Variants in JAK1 observed in about 807,000 individuals in gnomAD.
JAK1 encodes the protein Janus kinase 1, also known as tyrosine-protein kinase JAK1.
In JAK1, 16 loss-of-function variants were observed where a neutral mutation model predicts 136.6. That is an observed-to-expected ratio of 0.12 (90% confidence interval 0.08 to 0.18). The LOEUF is 0.18. Ranked by LOEUF, JAK1 falls within the 10% of genes least tolerant of loss-of-function variation. The pLI is 1.00. For synonymous variants in JAK1, 492 were observed against 519.5 expected, an observed-to-expected ratio of 0.95 and a Z score of 0.72; for missense variants, 859 against 1,450.1, an observed-to-expected ratio of 0.59 and a Z score of 6.62.
At chr1:64,854,603 A>G (rs1347570252) in intron 11 of JAK1, among the ~76,000 whole-genome samples, 1 of 152,138 alleles carries the variant, frequency 6.6e-6, no homozygotes, top group Non-Finnish European at 1.5e-5. Context: ...CAGTCCTCAC[A>G]TTCTAAGAGA....
At chr1:64,862,805 A>G (rs1656432962) in intron 8 of JAK1, among the ~76,000 whole-genome samples, 1 of 152,244 alleles carries the variant, frequency 6.6e-6, no homozygotes, top group Non-Finnish European at 1.5e-5. Context: ...CAAAATGCAC[A>G]GGCAGGAACC....
chr1:64,870,795 A>AT (rs944616518), intron 5 of JAK1, among the ~76,000 whole-genome samples: 1 of 152,100 alleles, frequency 6.6e-6, no homozygotes, highest in Non-Finnish European at 1.5e-5. Flanking sequence ...TCACCATGGG[A>AT]TATCTTGTTT....
chr1:65,051,919 C>T (rs1419343495), intron 1 of JAK1, among the ~76,000 whole-genome samples: 1 of 152,124 alleles, frequency 6.6e-6, no homozygotes, highest in Non-Finnish European at 1.5e-5. Flanking sequence ...CCTTGTCAGA[C>T]AGCTTAAAGA....
intron 1 of JAK1, among the ~76,000 whole-genome samples, chr1:65,046,346 G>A (rs973377302): frequency 6.6e-6 from 1 of 152,204 alleles, no homozygotes; most frequent in Non-Finnish European, 1.5e-5. Context: ...TGGAGGCCAT[G>A]CCAAAGGGAG....
chr1:64,984,588 G>A lies in JAK1; in HGVS notation c.-78+59892C>T. The A allele has an allele frequency of 2.5e-6, 1 of 393,948 alleles. No homozygotes were observed. Among genetic ancestry groups the A allele is most frequent in the East Asian group, 5.7e-5 (1 of 17,408 alleles). The allele number at this position is 393,948 out of a possible 1,614,324, so 24.4% of individuals were successfully genotyped here. Reference sequence around the variant, plus strand: ...GGTGGCTTTCCCTTGCTGGGAGGGAGGTTGAAGGAGGCATGATTTAGACAT... The same window carrying A: ...GGTGGCTTTCCCTTGCTGGGAGGGAAGTTGAAGGAGGCATGATTTAGACAT... On this transcript the variant is annotated intron_variant, in intron 2 of 25. Coordinates refer to the JAK1 transcript ENST00000671954. The surrounding 1 kb of genome is among the most constrained non-coding windows in gnomAD (Gnocchi z 4.1).
chr1:65,058,535 G>A (rs767546887), intron 1 of JAK1: 2 of 531,608 alleles, frequency 3.8e-6, no homozygotes, highest in Non-Finnish European at 3.9e-6. Context: ...GTCGGTCAAC[G>A]GCATCCTTTC....
At chr1:65,016,949 C>T (rs1049376293) in intron 2 of JAK1, among the ~76,000 whole-genome samples, 4 of 152,044 alleles carry the variant, frequency 2.6e-5, no homozygotes, top group African/African-American at 9.7e-5. Context: ...TTACTGTATA[C>T]ATTTTATCAG....
At chr1:64,865,046 G>A (rs1476378095) in intron 7 of JAK1, 74 bp from the exon 8 acceptor site, 15 of 1,244,794 alleles carry the variant, frequency 1.2e-5, no homozygotes, top group East Asian at 2.3e-5. Flanking sequence ...CAGTGCTGCT[G>A]GGAAACCTAT....
intron 2 of JAK1, among the ~76,000 whole-genome samples, chr1:65,011,920 AG>A (rs1646852630): frequency 6.6e-6 from 1 of 152,226 alleles, no homozygotes; most frequent in South Asian, 2.1e-4. Context: ...GGATTCCAGA[AG>A]GAAATCGCTA....
At chr1:64,906,992 TGAG>T (rs1211875891) in intron 1 of JAK1, among the ~76,000 whole-genome samples, 4 of 121,132 alleles carry the variant, frequency 3.3e-5, no homozygotes, top group East Asian at 4.9e-4. Flanking sequence ...CTCTTAACAG[TGAG>T]GAGAAGCACA....
intron 2 of JAK1, among the ~76,000 whole-genome samples, chr1:65,008,660 C>G (rs937590290): frequency 6.6e-6 from 1 of 151,798 alleles, no homozygotes; most frequent in Non-Finnish European, 1.5e-5. Context: ...TCCTCTTCCC[C>G]TTTCCCTTCC....
chr1:65,012,941 A>T (rs908554570), intron 2 of JAK1, among the ~76,000 whole-genome samples: 4 of 151,396 alleles, frequency 2.6e-5, no homozygotes, highest in Admixed American at 1.3e-4. Flanking sequence ...AAAATACAAA[A>T]CTGGTTTAGC....
intron 1 of JAK1, among the ~76,000 whole-genome samples, chr1:64,950,060 G>T (rs952932048): frequency 6.6e-6 from 1 of 152,116 alleles, no homozygotes; most frequent in African/African-American, 2.4e-5. Flanking sequence ...ATACATTATC[G>T]ATAAAGACTA....
chr1:64,880,323 G>T (rs1428164474), intron 3 of JAK1, among the ~76,000 whole-genome samples: 1 of 152,102 alleles, frequency 6.6e-6, no homozygotes, highest in Non-Finnish European at 1.5e-5. Context: ...AGTTTTCCTT[G>T]GGAACATAGG....
At chr1:65,049,000 G>T (rs1052147387) in intron 1 of JAK1, among the ~76,000 whole-genome samples, 11 of 152,138 alleles carry the variant, frequency 7.2e-5, no homozygotes, top group Non-Finnish European at 1.5e-4. Flanking sequence ...CACCCCTAAG[G>T]CAACGGGATC....
chr1:64,980,166 G>A (rs1040667067), intron 2 of JAK1, among the ~76,000 whole-genome samples: 8 of 152,170 alleles, frequency 5.3e-5, no homozygotes, highest in Non-Finnish European at 1.0e-4. Context: ...AGTCAGATGA[G>A]ACCTGTTTGT....
chr1:64,944,834 T>C (rs1046624467), intron 1 of JAK1, among the ~76,000 whole-genome samples: 5 of 149,766 alleles, frequency 3.3e-5, no homozygotes, highest in Admixed American at 2.7e-4. Flanking sequence ...CTCTGGATTC[T>C]AAGTCTTCAA....
At chr1:64,982,875 T>C (rs1368150915) in intron 2 of JAK1, among the ~76,000 whole-genome samples, 2 of 151,908 alleles carry the variant, frequency 1.3e-5, no homozygotes, top group Non-Finnish European at 2.9e-5. Context: ...GTCTGGTCAG[T>C]GAGAAATGAG....
At chr1:64,889,615 A>G (rs1206199529) in intron 1 of JAK1, among the ~76,000 whole-genome samples, 4 of 152,230 alleles carry the variant, frequency 2.6e-5, no homozygotes, top group Non-Finnish European at 4.4e-5. Flanking sequence ...GGAAAAAATA[A>G]AAGAAACAAG....
Sources: allele counts gnomAD v4.1 joint callset (sites outside exome capture counted in the v4.1 genomes callset), GRCh38; gene constraint gnomAD v4.1.1; non-coding constraint Gnocchi (gnomAD v3.1); transcripts MANE v1.5; gene names NCBI Gene and HGNC (gene_info 2026-07-23, HGNC 2026-07-21).